Variants in NME7 observed in about 807,000 individuals in gnomAD.
The protein encoded by NME7 is NME/NM23 family member 7, also known as nucleoside diphosphate kinase 7.
In NME7, 41 loss-of-function variants were observed where a neutral mutation model predicts 49.1. The ratio of observed to expected loss-of-function variants is 0.83; its 90% CI spans 0.65 to 1.08. The LOEUF is 1.08. Ranked by LOEUF, NME7 falls within the 50% of genes least tolerant of loss-of-function variation. NME7 has a pLI of 0.00. For missense variants in NME7, 423 were observed against 463.4 expected, an observed-to-expected ratio of 0.91 and a Z score of 0.80; for synonymous variants, 139 against 150.6, an observed-to-expected ratio of 0.92 and a Z score of 0.56.
At chr1:169,330,963 G>T (rs1652233945) in intron 1 of NME7, among the ~76,000 whole-genome samples, 1 of 152,052 alleles carries the variant, frequency 6.6e-6, no homozygotes, top group African/African-American at 2.4e-5. Context: ...TACGAGGCCA[G>T]TATTACCCTG....
chr1:169,283,093 A>G (rs1650098674), intron 7 of NME7, among the ~76,000 whole-genome samples: 2 of 152,106 alleles, frequency 1.3e-5, no homozygotes, highest in African/African-American at 4.8e-5. Flanking sequence ...GTCACTTTGT[A>G]GGCCTCTAAG....
At chr1:169,160,514 ATATAT>A (rs1659213130) in intron 11 of NME7, among the ~76,000 whole-genome samples, 1 of 152,150 alleles carries the variant, frequency 6.6e-6, no homozygotes, top group Non-Finnish European at 1.5e-5. Context: ...AATATATAGT[ATATAT>A]TATATAATAC....
intron 10 of NME7, among the ~76,000 whole-genome samples, chr1:169,217,346 C>T (rs1660999582): frequency 6.6e-6 from 1 of 151,808 alleles, no homozygotes; most frequent in South Asian, 2.1e-4. Flanking sequence ...GGGATGCACT[C>T]CAAGTGTAAA....
At chr1:169,260,972 C>A (rs1649141059) in intron 7 of NME7, among the ~76,000 whole-genome samples, 2 of 132,420 alleles carry the variant, frequency 1.5e-5, no homozygotes, top group South Asian at 2.3e-4. Context: ...TACATAGAAC[C>A]TACTGGGTCA....
chr1:169,148,375 A>T (rs1658820091), intron 11 of NME7, among the ~76,000 whole-genome samples: 1 of 152,208 alleles, frequency 6.6e-6, no homozygotes, highest in African/African-American at 2.4e-5. Context: ...ATTGAGCCTA[A>T]TATTTTCCTG....
At chr1:169,190,146 T>C (rs145096650) in intron 10 of NME7, among the ~76,000 whole-genome samples, 1,681 of 152,184 alleles carry the variant, frequency 0.011, 20 homozygotes, top group Middle Eastern at 0.024. Context: ...TAAAAACTTG[T>C]ACAAACATTT....
At chr1:169,291,721 A>G (rs1167873540) in intron 6 of NME7, among the ~76,000 whole-genome samples, 1 of 152,098 alleles carries the variant, frequency 6.6e-6, no homozygotes, top group Non-Finnish European at 1.5e-5. Flanking sequence ...AACCCTGATC[A>G]ATCAGCAGAC....
intron 10 of NME7, among the ~76,000 whole-genome samples, chr1:169,194,281 G>A (rs370794427): frequency 1.4e-4 from 22 of 152,136 alleles, no homozygotes; most frequent in African/African-American, 5.1e-4. Flanking sequence ...TAGACAGGGC[G>A]ACATAGTTCT....
intron 10 of NME7, among the ~76,000 whole-genome samples, chr1:169,183,523 CG>C (rs1557977652): frequency 6.6e-6 from 1 of 152,150 alleles, no homozygotes; most frequent in Non-Finnish European, 1.5e-5. Flanking sequence ...AAGCCCTGGC[CG>C]GGCACAGTGG....
chr1:169,335,211 T>C (rs1306758822), intron 1 of NME7, among the ~76,000 whole-genome samples: 2 of 152,204 alleles, frequency 1.3e-5, no homozygotes, highest in African/African-American at 2.4e-5. Flanking sequence ...TTACTGGGTA[T>C]ATACCCAAAG....
chr1:169,241,877 T>A (rs1169590367), intron 7 of NME7, among the ~76,000 whole-genome samples: 2 of 151,180 alleles, frequency 1.3e-5, no homozygotes, highest in African/African-American at 4.8e-5. Flanking sequence ...ATGAAGACAG[T>A]ACAAAAAACG....
rs549566162 is a variant in NME7 at position 169,140,754 on chromosome 1, A to G, written c.1099-7937T>C. 2.6e-5 allele frequency among the ~76,000 whole-genome samples: 4 copies of G among 152,252 alleles called. No homozygotes were observed. The East Asian group carries it at 7.7e-4, about 29-fold the overall frequency. ...AAAAAAAAAAAAAAGATTTCAAATA[A>G]AAGAAATTGTAGATATAAAGACCAG... On this transcript the variant is annotated intron_variant, in intron 11 of 11. Transcript: ENST00000367811.
At chr1:169,183,857 C>G (rs1182875768) in intron 10 of NME7, among the ~76,000 whole-genome samples, 1 of 151,874 alleles carries the variant, frequency 6.6e-6, no homozygotes, top group East Asian at 1.9e-4. Flanking sequence ...ACTGTATTAT[C>G]CTATTAATGA....
At chr1:169,263,214 C>T (rs1649219081) in intron 7 of NME7, among the ~76,000 whole-genome samples, 1 of 134,252 alleles carries the variant, frequency 7.4e-6, no homozygotes, top group African/African-American at 2.5e-5. Flanking sequence ...TTCTTCCAAA[C>T]AACCACACTA....
intron 10 of NME7, among the ~76,000 whole-genome samples, chr1:169,197,447 G>A (rs1471963453): frequency 6.6e-6 from 1 of 151,772 alleles, no homozygotes; most frequent in African/African-American, 2.4e-5. Flanking sequence ...ACATTCTCTA[G>A]GAGAAAAATA....
chr1:169,182,499 T>C lies in NME7; in HGVS notation c.991-12945A>G, dbSNP rs1313196552. Among the ~76,000 whole-genome samples the C allele has an allele frequency of 1.2e-4, 18 of 152,162 alleles. 1 individual carries two copies. The highest frequency in any genetic ancestry group is 1.1e-3 in the Admixed American group (17 of 15,280). On this transcript the variant is annotated intron_variant, in intron 10 of 11. Transcript: ENST00000367811. Reference sequence around the variant, plus strand: ...CTCCCTTTTGGGCCCCCCATCTAATTTGTTACCAAGTCACACAGATTCTAT... The same window carrying C: ...CTCCCTTTTGGGCCCCCCATCTAATCTGTTACCAAGTCACACAGATTCTAT...
rs563279223 is a variant in NME7 at position 169,323,265 on chromosome 1, G to A, written c.130C>T (p.Arg44Cys). 1.8e-5 allele frequency: 29 copies of A among 1,596,884 alleles called. No homozygotes were observed. Among genetic ancestry groups the A allele is most frequent in the South Asian group, 5.8e-5 (5 of 86,938 alleles). The change falls in exon 3 of 12, where the codon CGC becomes TGC. Residue 44 changes from arginine to cysteine, a missense_variant. Transcript: ENST00000367811. ...TATTTGGTCCGCTTTAAAAAGGTGCGATGATTCTTTACATCATGCTAGAAC... is the reference window on the plus strand; with the variant it reads ...TATTTGGTCCGCTTTAAAAAGGTGCAATGATTCTTTACATCATGCTAGAAC... ...SVEMHDVKNH[R>C]TFLKRTKYDN...
intron 4 of NME7, among the ~76,000 whole-genome samples, chr1:169,308,019 C>CAAA (rs11410749): frequency 1.4e-4 from 15 of 110,074 alleles, no homozygotes; most frequent in African/African-American, 2.7e-4. Context: ...GACTCCATCT[C>CAAA]AAAAAAAAAA....
chr1:169,293,098 C>T (rs1275544308), intron 6 of NME7, among the ~76,000 whole-genome samples: 1 of 151,664 alleles, frequency 6.6e-6, no homozygotes, highest in East Asian at 2.0e-4. Context: ...AGTTTGAGAC[C>T]AGACTGGGCA....
Sources: gnomAD v4.1 joint callset for allele counts (sites outside exome capture counted in the v4.1 genomes callset) on GRCh38, gnomAD v4.1.1 for gene constraint, MANE v1.5 for transcripts, NCBI Gene and HGNC (gene_info 2026-07-23, HGNC 2026-07-21) for gene names.